The following SLC25A24 variants were observed in gnomAD, a reference collection of about 807,000 sequenced individuals.
SLC25A24 encodes mitochondrial adenyl nucleotide antiporter SLC25A24.
SLC25A24 carries 49 observed loss-of-function variants against 60.7 expected under a neutral mutation model. That is an observed-to-expected ratio of 0.81 (90% CI 0.64 to 1.02). The LOEUF (loss-of-function observed/expected upper bound fraction) is 1.02, where lower values mean the gene tolerates loss of function less well. SLC25A24 is among the 50% of genes least tolerant of loss of function. The pLI, the probability that SLC25A24 is intolerant of heterozygous loss-of-function variation, is 0.00. For missense variants in SLC25A24, 564 were observed against 586.3 expected (o/e 0.96, Z 0.39); for synonymous variants, 202 against 200.6 (o/e 1.01, Z -0.06).
chr1:108,178,155 C>T (rs946773049), intron 3 of SLC25A24, among the ~76,000 whole-genome samples: 13 of 138,070 alleles, frequency 9.4e-5, no homozygotes, highest in East Asian at 6.7e-4. Context: ...AGTGAGACTC[C>T]GTCTCAAAAA....
At chr1:108,170,067 C>G (rs866841774) in intron 3 of SLC25A24, among the ~76,000 whole-genome samples, 48 of 152,172 alleles carry the variant, frequency 3.2e-4, no homozygotes, top group African/African-American at 1.1e-3. Flanking sequence ...TCCATTTTCT[C>G]TCCCCTAACT....
Position 108,199,942 on chromosome 1 carries a change from C to A in SLC25A24, c.183+14G>T. ...CCCTCCCTACGCTCAGGCGGCGCCC[C>A]GGCGGCGACCCACCTCCTCGGCGTC... On this transcript the variant is annotated intron_variant, in intron 1 of 9. Coordinates refer to ENST00000565488, the MANE Select transcript of SLC25A24 (RefSeq NM_013386.5). 6.3e-7 allele frequency: 1 copy of A among 1,595,728 alleles called. No individual in the cohort carries two copies. The highest frequency in any genetic ancestry group is 1.7e-5 in the Admixed American group (1 of 58,094).
intron 1 of SLC25A24, among the ~76,000 whole-genome samples, chr1:108,195,240 T>C (rs191576435): frequency 2.0e-5 from 3 of 152,232 alleles, no homozygotes; most frequent in East Asian, 1.9e-4. Flanking sequence ...TAAAGGTGAG[T>C]TGGGGCCTTA....
rs1010534908 is a variant in SLC25A24, at chr1:108,185,897, T to A, written c.241A>T (p.Met81Leu). The A allele has an allele frequency of 6.3e-7, 1 of 1,597,234 alleles. No homozygotes were observed. Reference sequence around the variant, plus strand: ...TTCTCATGGTCTTTAAGGTACTTCATAAATTCTTCAAAATCCAGCTTCCCA... The same window carrying A: ...TTCTCATGGTCTTTAAGGTACTTCAAAAATTCTTCAAAATCCAGCTTCCCA... ...KDGKLDFEEF[M>L]KYLKDHEKKM... Residue 81 changes from methionine to leucine, a missense_variant, in exon 2 of 10, where the codon ATG (methionine) becomes TTG (leucine). Transcript: ENST00000565488.
chr1:108,156,169 G>A (rs1434859680), intron 5 of SLC25A24, among the ~76,000 whole-genome samples: 1 of 152,194 alleles, frequency 6.6e-6, no homozygotes, highest in African/African-American at 2.4e-5. Flanking sequence ...GAGGACAACA[G>A]AAGCTCTGCC....
chr1:108,150,161 AC>A (rs1374026284), intron 6 of SLC25A24, among the ~76,000 whole-genome samples: 1 of 152,096 alleles, frequency 6.6e-6, no homozygotes, highest in Non-Finnish European at 1.5e-5. Context: ...TATACCTTGG[AC>A]CCCCACAGCA....
intron 3 of SLC25A24, among the ~76,000 whole-genome samples, chr1:108,161,684 C>A (rs1037652052): frequency 8.5e-5 from 13 of 152,256 alleles, no homozygotes; most frequent in African/African-American, 2.9e-4. Context: ...TCTATTGCAA[C>A]ATTTGAATGT....
At chr1:108,192,667 G>T in intron 1 of SLC25A24, 2 of 1,478,408 alleles carry the variant, frequency 1.4e-6, no homozygotes, top group South Asian at 1.3e-5. Flanking sequence ...GAGCCCCAGC[G>T]GGGTGGAAGT....
rs1193712723 is a variant in SLC25A24 at position 108,161,815 on chromosome 1, A to G, written c.399-522T>C. 3.3e-5 allele frequency among the ~76,000 whole-genome samples: 5 copies of G among 151,958 alleles called. No homozygotes were observed. The South Asian group carries it at 8.3e-4, about 25-fold the overall frequency. On this transcript the variant is annotated intron_variant, in intron 3 of 9. Coordinates refer to ENST00000565488, the MANE Select transcript of SLC25A24 (RefSeq NM_013386.5). ...TTGAGTCTTTTTTTTTTATTATTAT[A>G]CTTTAAGTTTTAGGGTACATGTGCA...
intron 5 of SLC25A24, among the ~76,000 whole-genome samples, chr1:108,155,411 C>T (rs1202415852): frequency 1.3e-5 from 2 of 151,718 alleles, no homozygotes. Context: ...TTATGAACAA[C>T]CTTCATAAGA....
chr1:108,176,733 C>T (rs915020037), intron 3 of SLC25A24, among the ~76,000 whole-genome samples: 2 of 152,110 alleles, frequency 1.3e-5, no homozygotes, highest in Non-Finnish European at 2.9e-5. Context: ...ATATTTAAAG[C>T]GTTCAAGGAG....
intron 3 of SLC25A24, among the ~76,000 whole-genome samples, chr1:108,167,802 A>G (rs1294212452): frequency 6.6e-6 from 1 of 152,220 alleles, no homozygotes; most frequent in Non-Finnish European, 1.5e-5. Context: ...CTATTCAGCC[A>G]TCTTCGCCTT....
intron 3 of SLC25A24, among the ~76,000 whole-genome samples, chr1:108,166,535 T>A (rs2101624147): frequency 6.6e-6 from 1 of 152,294 alleles, no homozygotes; most frequent in Non-Finnish European, 1.5e-5. Flanking sequence ...TCGCTTCATT[T>A]CATTCATTTC....
intron 3 of SLC25A24, among the ~76,000 whole-genome samples, chr1:108,161,754 C>T (rs1209442254): frequency 6.6e-6 from 1 of 151,844 alleles, no homozygotes; most frequent in South Asian, 2.1e-4. Flanking sequence ...AAATTAACAG[C>T]TATTATAAAA....
chr1:108,192,812 CG>C (rs1558029168), intron 1 of SLC25A24: 1 of 1,248,310 alleles, frequency 8.0e-7, no homozygotes, highest in Non-Finnish European at 1.0e-6. Context: ...CTCATCCTAA[CG>C]GCTTCAGCGC....
At chr1:108,198,606 G>A (rs11185301) in intron 1 of SLC25A24, 22,919 of 152,182 alleles carry the variant, frequency 0.15, 2,260 homozygotes, top group South Asian at 0.3. Context: ...ATGCAGTTAC[G>A]TAAAAATGGT....
In SLC25A24 at chr1:108,200,060, G is replaced by C. The variant is rs751276682; in HGVS notation, c.79C>G (p.Leu27Val). 6.2e-6 allele frequency: 10 copies of C among 1,601,012 alleles called. No individual in the cohort carries two copies. In the South Asian group the frequency reaches 9.1e-5, roughly 14 times the overall value. Residue 27 changes from leucine to valine, a missense_variant, in exon 1 of 10, where the codon CTC (leucine) becomes GTC (valine). Transcript: ENST00000565488. ...DAEQPTRYET[L>V]FQALDRNGDG... is the part of the protein sequence containing the mutation. ...CCATTGCGGTCCAGTGCCTGGAAGAGGGTCTCGTAGCGCGTCGGCTGCTCC... is the reference window on the plus strand; with the variant it reads ...CCATTGCGGTCCAGTGCCTGGAAGACGGTCTCGTAGCGCGTCGGCTGCTCC...
In SLC25A24 at chr1:108,200,050, G is replaced by A. The variant is rs1476971212; in HGVS notation, c.89C>T (p.Ala30Val). Reference sequence around the variant, plus strand: ...CACTCCGTCCCCATTGCGGTCCAGTGCCTGGAAGAGGGTCTCGTAGCGCGT... The same window carrying A: ...CACTCCGTCCCCATTGCGGTCCAGTACCTGGAAGAGGGTCTCGTAGCGCGT... ...QPTRYETLFQ[A>V]LDRNGDGVVD... Residue 30 changes from alanine to valine, a missense_variant, in exon 1 of 10, where the codon GCA becomes GTA. Transcript: ENST00000565488. 2.5e-6 allele frequency: 4 copies of A among 1,606,230 alleles called. No individual in the cohort carries two copies. The highest frequency in any genetic ancestry group is 3.4e-6 in the Non-Finnish European group (4 of 1,176,934).
intron 4 of SLC25A24, 106 bp from the exon 5 acceptor site, chr1:108,157,726 C>A (rs1464793418): frequency 2.1e-5 from 27 of 1,277,306 alleles, no homozygotes; most frequent in Admixed American, 4.2e-5. Context: ...ATATGAACTT[C>A]ATTCCCTAGA....
Sources: gnomAD v4.1 joint callset for allele counts (sites outside exome capture counted in the v4.1 genomes callset) on GRCh38, gnomAD v4.1.1 for gene constraint, MANE v1.5 for transcripts, NCBI Gene and HGNC (gene_info 2026-07-23, HGNC 2026-07-21) for gene names.